The following ALG12 variants were observed in gnomAD, a reference collection of about 807,000 sequenced individuals.
ALG12 encodes the protein ALG12 alpha-1,6-mannosyltransferase.
In ALG12, 36 loss-of-function variants were observed where a neutral mutation model predicts 46.0. The ratio of observed to expected loss-of-function variants is 0.78; its 90% confidence interval spans 0.60 to 1.03. The LOEUF is 1.03. Ranked by LOEUF, ALG12 falls within the 50% of genes least tolerant of loss-of-function variation. The pLI, the probability that ALG12 is intolerant of heterozygous loss-of-function variation, is 0.00. For missense variants in ALG12, 599 were observed against 633.5 expected (o/e 0.95, Z 0.58); for synonymous variants, 326 against 291.6 (o/e 1.12, Z -1.20).
chr22:49,860,361 TTAAA>T, the ALG12 span, among the ~76,000 whole-genome samples: 2 of 152,206 alleles, frequency 1.3e-5, no homozygotes, highest in African/African-American at 4.8e-5. Context: ...TCTTTGATTC[TTAAA>T]TTATATGTTA....
chr22:49,883,449 C>T, the ALG12 span: 6 of 556,620 alleles, frequency 1.1e-5, no homozygotes, highest in Non-Finnish European at 1.7e-5. Flanking sequence ...TGTTTAGTAG[C>T]AGGACTCTTG....
rs201717237 is a variant in ALG12 at position 49,904,061 on chromosome 22, T to C, written c.1244A>G (p.Asp415Gly). 1.2e-4 allele frequency: 188 copies of C among 1,614,016 alleles called. No individual in the cohort carries two copies. Among genetic ancestry groups the C allele is most frequent in the Non-Finnish European group, 1.5e-4 (181 of 1,180,010 alleles). The change falls in exon 10 of 10, where the codon GAC becomes GGC. Residue 415 changes from aspartate (D) to glycine (G), a missense_variant. Coordinates refer to ENST00000330817, the MANE Select transcript of ALG12 (RefSeq NM_024105.4). ...FLQVNSAWRY[D>G]KREDVQPGTG... Reference sequence around the variant, plus strand: ...CCCCGGCTGCACATCCTCCCTCTTGTCGTACCTGTGGGATGAGAGCTGGTG... The same window carrying C: ...CCCCGGCTGCACATCCTCCCTCTTGCCGTACCTGTGGGATGAGAGCTGGTG...
At chr22:49,860,423 G>A in the ALG12 span, among the ~76,000 whole-genome samples, 2 of 152,150 alleles carry the variant, frequency 1.3e-5, no homozygotes, top group African/African-American at 4.8e-5. Context: ...GTGCTAAAAT[G>A]TGCATACAGT....
At chr22:49,892,879 G>C in the ALG12 span, among the ~76,000 whole-genome samples, 1 of 152,188 alleles carries the variant, frequency 6.6e-6, no homozygotes, top group African/African-American at 2.4e-5. Flanking sequence ...CTAAGTGACT[G>C]AAAAGAGAAT....
At position 49,918,328 on chromosome 22, in the gene ALG12, AC is replaced by A. The variant is rs947504971; in HGVS notation, c.-145del. ...TGGGCCAGCCTCGGCAGGAAGCAGG[AC>A]GGCGGAAACAGAACAGAGCCCGAAT... On this transcript the variant is annotated 5_prime_UTR_variant, in exon 1 of 10. Coordinates refer to ENST00000330817, the MANE Select transcript of ALG12 (RefSeq NM_024105.4). The A allele has an allele frequency of 6.9e-6, 1 of 144,906 alleles. No homozygotes were observed. Among genetic ancestry groups the A allele is most frequent in the African/African-American group, 2.7e-5 (1 of 37,068 alleles). The allele number at this position is 144,906 out of a possible 1,614,324, so 9.0% of individuals were successfully genotyped here.
At chr22:49,875,050 A>T in the ALG12 span, among the ~76,000 whole-genome samples, 1 of 152,108 alleles carries the variant, frequency 6.6e-6, no homozygotes, top group Admixed American at 6.5e-5. Context: ...ATTATCTTTG[A>T]TACATAGTGT....
chr22:49,894,129 C>A, the ALG12 span, among the ~76,000 whole-genome samples: 1 of 152,168 alleles, frequency 6.6e-6, no homozygotes, highest in East Asian at 1.9e-4. Flanking sequence ...GGCACCACTG[C>A]ATTCTAGCCT....
chr22:49,909,419 C>T, intron 5 of ALG12, 72 bp from the exon 6 acceptor site: 1 of 1,434,862 alleles, frequency 7.0e-7, no homozygotes, highest in Non-Finnish European at 9.8e-7. Context: ...AATGCAGCCC[C>T]CATCACTACA....
At chr22:49,918,235 G>A (rs952622467) in intron 1 of ALG12, 28 bp downstream of exon 1, 1 of 152,326 alleles carries the variant, frequency 6.6e-6, no homozygotes, top group Non-Finnish European at 1.5e-5. Context: ...CCCGCCTGAA[G>A]GCCCCGGTCG....
At position 49,901,643 on chromosome 22, in the gene ALG12, CACGTGT is replaced by C. The variant is rs1354490271; in HGVS notation, c.*2189_*2194del. The C allele has an allele frequency of 1.1e-5, 1 of 89,196 alleles. No individual in the cohort carries two copies. Among genetic ancestry groups the C allele is most frequent in the Non-Finnish European group, 1.8e-5 (1 of 54,762 alleles). The allele number at this position is 89,196 out of a possible 1,614,324, so 5.5% of individuals were successfully genotyped here. A position where few individuals can be genotyped will look rare whatever the true frequency, so the allele number is the denominator to read the frequency against. ...GCGTGGTGGGTATGTATGGTGTGTG[CACGTGT>C]GATCATGCATGTATGGTGTGTATGC... On this transcript the variant is annotated 3_prime_UTR_variant, in exon 10 of 10. Transcript: ENST00000330817.
Position 49,913,421 on chromosome 22 carries a change from G to C in ALG12, c.259C>G (p.Leu87Val). The C allele has an allele frequency of 6.2e-7, 1 of 1,614,004 alleles. No homozygotes were observed. The highest frequency in any genetic ancestry group is 8.5e-7 in the Non-Finnish European group (1 of 1,180,050). ...FSSPAVYVLS[L>V]LEMSKFYSQL... ...GAGTAAAACTTGGACATTTCTAACAGCGAAAGCACGTAAACCGCGGGGCTG... is the reference window on the plus strand; with the variant it reads ...GAGTAAAACTTGGACATTTCTAACACCGAAAGCACGTAAACCGCGGGGCTG... Residue 87 changes from leucine to valine, a missense_variant, in exon 3 of 10, where the codon CTG (leucine) becomes GTG (valine). Transcript: ENST00000330817.
rs1261440348 is a variant in ALG12, at chr22:49,902,481, G to GTATGCA, written c.*1356_*1357insTGCATA. ...CATGGTGTGTGCACGTGTGCACTGT[G>GTATGCA]TGGTGTGTATGCATGGTGTGTGCAC... is the stretch of plus-strand genomic sequence containing the variant. On this transcript the variant is annotated 3_prime_UTR_variant, in exon 10 of 10. Transcript: ENST00000330817. The GTATGCA allele has an allele frequency of 7.9e-6, 1 of 125,948 alleles. No homozygotes were observed. The highest frequency in any genetic ancestry group is 2.2e-4 in the East Asian group (1 of 4,476). The allele number at this position is 125,948 out of a possible 1,614,324, so 7.8% of individuals were successfully genotyped here.
chr22:49,893,767 G>A, the ALG12 span, among the ~76,000 whole-genome samples: 1 of 152,196 alleles, frequency 6.6e-6, no homozygotes, highest in Non-Finnish European at 1.5e-5. Context: ...ATCTCTTAGA[G>A]TTCAAAATAC....
intron 3 of ALG12, among the ~76,000 whole-genome samples, chr22:49,911,214 C>T (rs1569176970): frequency 6.6e-6 from 1 of 152,206 alleles, no homozygotes; most frequent in South Asian, 2.1e-4. Context: ...AAATGAACTT[C>T]TGGGTGGCTC....
the ALG12 span, among the ~76,000 whole-genome samples, chr22:49,877,525 C>T: frequency 1.3e-5 from 2 of 152,014 alleles, no homozygotes; most frequent in African/African-American, 4.8e-5. Flanking sequence ...CTCCTGACCT[C>T]GTGTGATCCC....
chr22:49,870,822 C>G, the ALG12 span, among the ~76,000 whole-genome samples: 1 of 151,980 alleles, frequency 6.6e-6, no homozygotes, highest in African/African-American at 2.4e-5. Flanking sequence ...TGCAGAGGCT[C>G]TTTAGTTAGG....
chr22:49,859,393 G>A, the ALG12 span, among the ~76,000 whole-genome samples: 3 of 152,052 alleles, frequency 2.0e-5, no homozygotes, highest in African/African-American at 7.2e-5. Context: ...TGCTCAAATA[G>A]CTATAAATGT....
chr22:49,892,820 A>G, the ALG12 span, among the ~76,000 whole-genome samples: 10 of 152,204 alleles, frequency 6.6e-5, no homozygotes, highest in South Asian at 1.9e-3. Flanking sequence ...TTTACAGATA[A>G]ACAGTTTGAC....
At chr22:49,864,281 A>C in the ALG12 span, among the ~76,000 whole-genome samples, 3 of 152,244 alleles carry the variant, frequency 2.0e-5, no homozygotes, top group Admixed American at 6.5e-5. Context: ...AATATCGCAT[A>C]ATGTCTCATC....
Sources: gnomAD v4.1 joint callset for allele counts (sites outside exome capture counted in the v4.1 genomes callset) on GRCh38, gnomAD v4.1.1 for gene constraint, MANE v1.5 for transcripts, NCBI Gene and HGNC (gene_info 2026-07-23, HGNC 2026-07-21) for gene names.